Variants in ZNF268 observed in about 807,000 individuals in gnomAD.
The protein encoded by ZNF268 is zinc finger protein 3.
A neutral mutation model predicts 29.3 loss-of-function variants in ZNF268; 20 were observed. The observed-to-expected ratio is 0.68, with a 90% CI of 0.48 to 0.99. The LOEUF (loss-of-function observed/expected upper bound fraction) is 0.99, where lower values mean the gene tolerates loss of function less well. Ranked by LOEUF, ZNF268 falls within the 50% of genes least tolerant of loss-of-function variation. The pLI is 0.00. For missense variants in ZNF268, 1,240 were observed against 1,121.6 expected (o/e 1.11, Z -1.51); for synonymous variants, 429 against 376.9 (o/e 1.14, Z -1.60).
chr12:133,205,481 G>A lies in ZNF268; in HGVS notation c.*951G>A, dbSNP rs1272298567. The A allele has an allele frequency of 6.6e-6, 1 of 152,054 alleles. No homozygotes were observed. Among genetic ancestry groups the A allele is most frequent in the Non-Finnish European group, 1.5e-5 (1 of 68,008 alleles). The allele number at this position is 152,054 out of a possible 1,614,324, so 9.4% of individuals were successfully genotyped here. On this transcript the variant is annotated 3_prime_UTR_variant, in exon 6 of 6. Transcript: ENST00000536435. The stretch of plus-strand genomic sequence containing the variant: ...TATGTGAGACAAAAATCATCTTCCA[G>A]AGATTTCAGTATCTCTGATACTGAC...
intron 2 of ZNF268, among the ~76,000 whole-genome samples, chr12:133,187,491 C>T (rs550591883): frequency 1.1e-4 from 17 of 152,152 alleles, no homozygotes; most frequent in East Asian, 5.8e-4. Flanking sequence ...GTCAGAGCCT[C>T]GTTTGGTTCC....
rs1956832126 is a variant in ZNF268 at position 133,204,035 on chromosome 12, T to C, written c.2349T>C (p.Ser783=). 3 of 1,571,400 alleles carry C rather than the reference T, an allele frequency of 1.9e-6. No homozygotes were observed. In the African/African-American group the frequency reaches 4.1e-5, roughly 21 times the overall value. Residue 783 remains serine, a synonymous_variant, in exon 6 of 6, where the codon AGT becomes AGC. Coordinates refer to ENST00000536435, the MANE Select transcript of ZNF268 (RefSeq NM_003415.3). ...CAGGGGAAAAGCCTTATGGGTGCAG[T>C]GAATGTGGGAAAGCTTTTAGCAGCA... ...THAGEKPYGC[S]ECGKAFSSKS... is the part of the protein sequence containing the mutation.
In ZNF268 at chr12:133,181,499, GT is replaced by G. The variant is rs1956173988; in HGVS notation, c.-239del. Reference sequence around the variant, plus strand: ...ATGACGCAATTCCTGTGCGACATACGTAGCGGCCGCCATTGTTCCGCGCCGA... The same window carrying G: ...ATGACGCAATTCCTGTGCGACATACGAGCGGCCGCCATTGTTCCGCGCCGA... On this transcript the variant is annotated 5_prime_UTR_variant, in exon 1 of 6. Transcript: ENST00000536435. 1 of 152,916 alleles carries G rather than the reference GT, an allele frequency of 6.5e-6. No individual in the cohort carries two copies. The highest frequency in any genetic ancestry group is 1.5e-5 in the Non-Finnish European group (1 of 68,528). The allele number at this position is 152,916 out of a possible 1,614,324, so 9.5% of individuals were successfully genotyped here.
At chr12:133,188,285 C>T (rs1566366605) in intron 3 of ZNF268, 11 of 528,524 alleles carry the variant, frequency 2.1e-5, no homozygotes, top group Non-Finnish European at 1.3e-5. Flanking sequence ...CAGCCTCAAA[C>T]TCCAGGCTCA....
At chr12:133,200,478 G>A (rs1362482081) in intron 5 of ZNF268, among the ~76,000 whole-genome samples, 1 of 152,196 alleles carries the variant, frequency 6.6e-6, no homozygotes, top group Non-Finnish European at 1.5e-5. Context: ...TAGGTGTGAT[G>A]TGGTGCTGAA....
chr12:133,198,548 G>T (rs1302703242), intron 5 of ZNF268, among the ~76,000 whole-genome samples: 1 of 152,106 alleles, frequency 6.6e-6, no homozygotes, highest in Non-Finnish European at 1.5e-5. Context: ...GAACTTTAAA[G>T]TAGTTTTTTT....
rs907252213 is a variant in ZNF268 at position 133,208,312 on chromosome 12, A to G, written c.*3782A>G. 1.3e-5 allele frequency: 2 copies of G among 152,282 alleles called. No individual in the cohort carries two copies. Among genetic ancestry groups the G allele is most frequent in the African/African-American group, 2.4e-5 (1 of 41,450 alleles). 9.4% of individuals were successfully genotyped at this position (152,282 alleles called of 1,614,324 possible). On this transcript the variant is annotated 3_prime_UTR_variant, in exon 6 of 6. Transcript: ENST00000536435. ...GGATTTCAAGACCAGTGTGGCTAAC[A>G]TGGTGAAACCCCGTCTCTACTAAAA... is the stretch of plus-strand genomic sequence containing the variant.
rs1956974049 is a variant in ZNF268, at chr12:133,211,189, A to G, written c.*6659A>G. The G allele has an allele frequency of 2.9e-6, 1 of 342,856 alleles. No homozygotes were observed. Among genetic ancestry groups the G allele is most frequent in the African/African-American group, 2.4e-5 (1 of 40,932 alleles). The allele number at this position is 342,856 out of a possible 1,614,324, so 21.2% of individuals were successfully genotyped here. ...AAAATCATTCAAAAAAATCTGAAAA[A>G]GTGTTTGTATGCAAAATATAAAAAA... On this transcript the variant is annotated 3_prime_UTR_variant, in exon 6 of 6. Transcript: ENST00000536435.
chr12:133,212,495 ATATG>A lies in ZNF268; in HGVS notation c.*7969_*7972del, dbSNP rs1236848597. On this transcript the variant is annotated 3_prime_UTR_variant, in exon 6 of 6. Coordinates refer to ENST00000536435, the MANE Select transcript of ZNF268 (RefSeq NM_003415.3). ...TATATATATATATATATATATATAT[ATATG>A]TATATATACACACACACATACACAC... 83 of 20,696 alleles carry A rather than the reference ATATG, an allele frequency of 4.0e-3. 1 individual carries two copies. Among genetic ancestry groups the A allele is most frequent in the African/African-American group, 0.017 (42 of 2,534 alleles). 1.3% of individuals were successfully genotyped at this position (20,696 alleles called of 1,614,324 possible).
At chr12:133,182,733 T>C (rs1956209405) in intron 2 of ZNF268, among the ~76,000 whole-genome samples, 1 of 152,202 alleles carries the variant, frequency 6.6e-6, no homozygotes, top group Non-Finnish European at 1.5e-5. Context: ...TTTGAGAGGC[T>C]TGAAATGACC....
intron 5 of ZNF268, among the ~76,000 whole-genome samples, chr12:133,195,837 C>G (rs1036866073): frequency 4.0e-5 from 6 of 151,820 alleles, no homozygotes; most frequent in Admixed American, 2.6e-4. Flanking sequence ...CCTGCCTCCC[C>G]CTTCCAAGTA....
rs576345499 is a variant in ZNF268, at chr12:133,214,315, G to A, written c.*9785G>A. The A allele has an allele frequency of 3.9e-5, 6 of 152,240 alleles. No homozygotes were observed. Among genetic ancestry groups the A allele is most frequent in the South Asian group, 2.1e-4 (1 of 4,818 alleles). The allele number at this position is 152,240 out of a possible 1,614,324, so 9.4% of individuals were successfully genotyped here. A position where few individuals can be genotyped will look rare whatever the true frequency, so the allele number is the denominator to read the frequency against. ...AAAGAAGTGGAGAAATGTGAACACC[G>A]CTGTAAAATGGTAAAGCTGCTATGA... On this transcript the variant is annotated 3_prime_UTR_variant, in exon 6 of 6. Coordinates refer to ENST00000536435, the MANE Select transcript of ZNF268 (RefSeq NM_003415.3).
At chr12:133,197,185 C>G (rs1956628269) in intron 5 of ZNF268, among the ~76,000 whole-genome samples, 1 of 107,028 alleles carries the variant, frequency 9.3e-6, no homozygotes. Flanking sequence ...TATCCCTCCC[C>G]CCTCCCCCCA....
At chr12:133,186,384 CT>C (rs778263126) in intron 2 of ZNF268, among the ~76,000 whole-genome samples, 453 of 140,990 alleles carry the variant, frequency 3.2e-3, no homozygotes, top group Middle Eastern at 7.3e-3. Context: ...AGGGAATAAT[CT>C]TTTTTTTTTT....
chr12:133,182,088 C>G, intron 2 of ZNF268, 58 bp downstream of exon 2: 1 of 1,519,538 alleles, frequency 6.6e-7, no homozygotes. Flanking sequence ...AACGTGTGCG[C>G]ACTCCATCTA....
chr12:133,199,909 A>G (rs1352499821), intron 5 of ZNF268, among the ~76,000 whole-genome samples: 1 of 151,854 alleles, frequency 6.6e-6, no homozygotes, highest in Non-Finnish European at 1.5e-5. Flanking sequence ...TATTGCGTCT[A>G]TTTTATTCTT....
At chr12:133,184,641 C>T (rs777257783) in intron 2 of ZNF268, 1 of 402,906 alleles carries the variant, frequency 2.5e-6, no homozygotes, top group South Asian at 1.7e-5. Context: ...TTTTTTGAGA[C>T]TGAGTCTCGC....
In ZNF268 at chr12:133,202,699, G is replaced by A. The variant is rs201735332; in HGVS notation, c.1013G>A (p.Arg338Lys). Residue 338 changes from arginine to lysine, a missense_variant, in exon 6 of 6, where the codon AGG becomes AAG. Arg to Lys is a conservative substitution (Grantham distance 26, BLOSUM62 2). Around this residue, in one of 3 missense-constraint regions of ZNF268, gnomAD observed 1,177 missense variants for 1,039.6 expected, o/e 1.13. Transcript: ENST00000536435. Reference protein sequence around the residue: ...GEKLHECSECRKTFSFHSQLV... With the variant: ...GEKLHECSECKKTFSFHSQLV... ...AAACTACATGAATGCAGTGAATGCAGGAAAACATTCAGTTTCCATTCACAG... is the reference window on the plus strand; with the variant it reads ...AAACTACATGAATGCAGTGAATGCAAGAAAACATTCAGTTTCCATTCACAG... 4.8e-5 allele frequency: 77 copies of A among 1,610,910 alleles called. No homozygotes were observed. The African/African-American group carries it at 7.9e-4, about 16-fold the overall frequency.
At chr12:133,191,158 T>C (rs1038638967) in intron 3 of ZNF268, among the ~76,000 whole-genome samples, 6 of 151,788 alleles carry the variant, frequency 4.0e-5, no homozygotes, top group African/African-American at 1.5e-4. Flanking sequence ...CTACTAAAAA[T>C]ACAAAAAAAT....
Sources: gnomAD v4.1 joint callset for allele counts (sites outside exome capture counted in the v4.1 genomes callset) on GRCh38, gnomAD v4.1.1 for gene constraint, gnomAD v4.1.1 regional missense constraint, MANE v1.5 for transcripts, NCBI Gene and HGNC (gene_info 2026-07-23, HGNC 2026-07-21) for gene names.